Variants in AHNAK observed in about 807,000 individuals in gnomAD.
AHNAK encodes the protein neuroblast differentiation-associated protein AHNAK.
AHNAK carries 23 observed loss-of-function variants against 37.8 expected under a neutral mutation model. The ratio of observed to expected loss-of-function variants is 0.61; its 90% CI spans 0.44 to 0.86. AHNAK has a LOEUF of 0.86. Ranked by LOEUF, AHNAK falls within the 40% of genes least tolerant of loss-of-function variation. The probability of loss-of-function intolerance (pLI) is 0.00; values close to 1 mark genes in which losing one functional copy is unlikely to be tolerated. For missense variants in AHNAK, 7,411 were observed against 7,319.4 expected, an observed-to-expected ratio of 1.01 and a Z score of -0.46; for synonymous variants, 2,481 against 2,636.3, an observed-to-expected ratio of 0.94 and a Z score of 1.80.
At chr11:62,440,889 G>A (rs1303247190) in intron 5 of AHNAK, among the ~76,000 whole-genome samples, 1 of 152,166 alleles carries the variant, frequency 6.6e-6, no homozygotes, top group African/African-American at 2.4e-5. Flanking sequence ...AGGGTGGCTG[G>A]GCACAGTGGC....
At chr11:62,495,894 G>T (rs1461369704) in intron 4 of AHNAK, among the ~76,000 whole-genome samples, 1 of 151,370 alleles carries the variant, frequency 6.6e-6, no homozygotes, top group African/African-American at 2.4e-5. Flanking sequence ...ACTAAAAATA[G>T]AAAAATTAGC....
At position 62,517,948 on chromosome 11, in the gene AHNAK, C is replaced by T. The variant is rs1940083475; in HGVS notation, c.16469G>A (p.Gly5490Glu). 3 of 1,614,094 alleles carry T rather than the reference C, an allele frequency of 1.9e-6. No homozygotes were observed. Among genetic ancestry groups the T allele is most frequent in the Non-Finnish European group, 2.5e-6 (3 of 1,180,052 alleles). Residue 5490 changes from glycine to glutamate, a missense_variant, in exon 5 of 5, where the codon GGA becomes GAA. Coordinates refer to ENST00000378024, the MANE Select transcript of AHNAK (RefSeq NM_001620.3). Reference protein sequence around the residue: ...LPGIGVQGLEGNLQMPGIKSS... With the variant: ...LPGIGVQGLEENLQMPGIKSS... ...CTTAATTCCAGGCATCTGGAGGTTT[C>T]CTTCTAGGCCTTGAACACCAATGCC...
At chr11:62,499,226 G>A (rs935948487) in intron 4 of AHNAK, among the ~76,000 whole-genome samples, 1 of 152,164 alleles carries the variant, frequency 6.6e-6, no homozygotes, top group African/African-American at 2.4e-5. Flanking sequence ...CATAGCATCC[G>A]ACTGGCCTCT....
chr11:62,503,053 T>G (rs528098874), intron 4 of AHNAK, among the ~76,000 whole-genome samples: 3 of 152,340 alleles, frequency 2.0e-5, no homozygotes, highest in African/African-American at 7.2e-5. Context: ...TGTCCAACTT[T>G]TAATTCTCCA....
intron 5 of AHNAK, among the ~76,000 whole-genome samples, chr11:62,461,143 C>CTTTTTTT (rs71056521): frequency 1.3e-5 from 1 of 79,836 alleles, no homozygotes; most frequent in Non-Finnish European, 2.3e-5. Context: ...CCAAATTCCC[C>CTTTTTTT]TTTTTTTTTT....
At chr11:62,509,135 T>C (rs7127582) in intron 4 of AHNAK, among the ~76,000 whole-genome samples, 20,899 of 152,134 alleles carry the variant, frequency 0.14, 3,755 homozygotes, top group African/African-American at 0.42. Flanking sequence ...CCCCAAAATG[T>C]ATAACCTGAA....
intron 5 of AHNAK, among the ~76,000 whole-genome samples, chr11:62,490,596 G>A (rs1399548309): frequency 6.6e-6 from 1 of 152,086 alleles, no homozygotes; most frequent in Non-Finnish European, 1.5e-5. Context: ...GCAAGGAAGA[G>A]GTGAGAGGAG....
chr11:62,437,021 T>TA (rs756154185), intron 5 of AHNAK, among the ~76,000 whole-genome samples: 29 of 151,964 alleles, frequency 1.9e-4, no homozygotes, highest in Non-Finnish European at 8.8e-5. Context: ...TTTTCATAAA[T>TA]AGGCATTTCT....
chr11:62,545,315 C>A (rs996767468), intron 1 of AHNAK, among the ~76,000 whole-genome samples: 2 of 152,238 alleles, frequency 1.3e-5, no homozygotes, highest in African/African-American at 2.4e-5. Flanking sequence ...GTTGTGGGGC[C>A]TCGGCTACAG....
chr11:62,476,094 GC>G (rs1186115476), intron 5 of AHNAK, among the ~76,000 whole-genome samples: 16 of 152,150 alleles, frequency 1.1e-4, no homozygotes, highest in Non-Finnish European at 2.4e-4. Context: ...AATGCATTCG[GC>G]CCAGGAACCG....
chr11:62,435,536 C>A (rs1425348718), intron 5 of AHNAK, among the ~76,000 whole-genome samples: 1 of 107,952 alleles, frequency 9.3e-6, no homozygotes, highest in Admixed American at 1.2e-4. Context: ...CTCAGCCTCC[C>A]GAGTAGCTGG....
At position 62,517,139 on chromosome 11, in the gene AHNAK, C is replaced by T. The variant is rs747079080; in HGVS notation, c.17278G>A (p.Glu5760Lys). Reference protein sequence around the residue: ...LGSLEGEAEAEASSPKGKFSL... With the variant: ...LGSLEGEAEAKASSPKGKFSL... ...AATTTGCCTTTCGGTGAAGAGGCTT[C>T]GGCCTCTGCCTCTCCTTCCAGAGAG... Residue 5760 changes from glutamate (E) to lysine (K), a missense_variant, in exon 5 of 5, where the codon GAA (glutamate) becomes AAA (lysine). By Grantham distance (56) the Glu-to-Lys change is moderately conservative. Transcript: ENST00000378024. The T allele has an allele frequency of 2.1e-5, 34 of 1,612,728 alleles. No homozygotes were observed. Among genetic ancestry groups the T allele is most frequent in the South Asian group, 5.5e-5 (5 of 91,030 alleles).
intron 1 of AHNAK, among the ~76,000 whole-genome samples, chr11:62,539,961 A>G (rs1941073649): frequency 6.6e-6 from 1 of 152,216 alleles, no homozygotes; most frequent in African/African-American, 2.4e-5. Flanking sequence ...CAGGTTTCCC[A>G]TTCTCTGCAT....
At chr11:62,535,802 T>C (rs1274142458) in intron 3 of AHNAK, 143 bp downstream of exon 3, 5 of 1,144,078 alleles carry the variant, frequency 4.4e-6, no homozygotes, top group Admixed American at 2.8e-5. Context: ...AGGGCAGGGC[T>C]TGGGTACCAA....
At position 62,524,083 on chromosome 11, in the gene AHNAK, T is replaced by C; in HGVS notation, c.10334A>G (p.Lys3445Arg). The stretch of plus-strand genomic sequence containing the variant: ...TGCCTTAATATCCACTTTGGGGCCT[T>C]TAAAGTCACCTTCTAAATTGGGACC... ...IAGPNLEGDF[K>R]GPKVDIKAPE... Residue 3445 changes from lysine (K) to arginine (R), a missense_variant, in exon 5 of 5, where the codon AAA (lysine) becomes AGA (arginine). Lys to Arg is a conservative substitution (Grantham distance 26). Coordinates refer to ENST00000378024, the MANE Select transcript of AHNAK (RefSeq NM_001620.3). The C allele has an allele frequency of 6.2e-7, 1 of 1,614,138 alleles. No individual in the cohort carries two copies. Among genetic ancestry groups the C allele is most frequent in the Non-Finnish European group, 8.5e-7 (1 of 1,180,022 alleles).
rs753471222 is a variant in AHNAK, at chr11:62,521,998, C to G, written c.12419G>C (p.Gly4140Ala). The G allele has an allele frequency of 6.2e-7, 1 of 1,613,768 alleles. No individual in the cohort carries two copies. Among genetic ancestry groups the G allele is most frequent in the South Asian group, 1.1e-5 (1 of 91,062 alleles). The change falls in exon 5 of 5, where the codon GGT (glycine) becomes GCT (alanine). Residue 4140 changes from glycine to alanine, a missense_variant. Gly to Ala is a moderately conservative substitution (Grantham distance 60). Transcript: ENST00000378024. ...GTCCACGTCGCCCTTCATCTTTGGA[C>G]CTTTCAGATTCAGGTCAACTTCAGG... ...SMPEVDLNLK[G>A]PKMKGDVDVS...
Position 62,531,305 on chromosome 11 carries a change from C to T in AHNAK, c.3112G>A (p.Ala1038Thr). Residue 1038 changes from alanine to threonine, a missense_variant, in exon 5 of 5, where the codon GCT (alanine) becomes ACT (threonine). Transcript: ENST00000378024. Reference sequence around the variant, plus strand: ...GGTCCTTCAAGGCTCAGATCTGGAGCATTAGTATCTACTTTTGGTGCAGAA... The same window carrying T: ...GGTCCTTCAAGGCTCAGATCTGGAGTATTAGTATCTACTTTTGGTGCAGAA... ...DISAPKVDTN[A>T]PDLSLEGPEG... The T allele has an allele frequency of 1.2e-6, 2 of 1,613,772 alleles. No homozygotes were observed. The highest frequency in any genetic ancestry group is 1.7e-6 in the Non-Finnish European group (2 of 1,179,866).
At chr11:62,486,994 A>T (rs113536829) in intron 5 of AHNAK, among the ~76,000 whole-genome samples, 34 of 152,240 alleles carry the variant, frequency 2.2e-4, no homozygotes, top group African/African-American at 7.7e-4. Flanking sequence ...CCTATTCCAG[A>T]CCAGAGAACA....
chr11:62,469,366 C>A (rs1938982267), intron 5 of AHNAK, among the ~76,000 whole-genome samples: 1 of 152,018 alleles, frequency 6.6e-6, no homozygotes, highest in Non-Finnish European at 1.5e-5. Context: ...AAGTGATCCA[C>A]CTGCCTCAGC....
Sources: allele counts gnomAD v4.1 joint callset (sites outside exome capture counted in the v4.1 genomes callset), GRCh38; gene constraint gnomAD v4.1.1; transcripts MANE v1.5; gene names NCBI Gene and HGNC (gene_info 2026-07-23, HGNC 2026-07-21).